HPSE2: variants seen among roughly 807,000 people sequenced by gnomAD.
HPSE2 encodes heparanase 2 (inactive).
HPSE2 carries 38 observed loss-of-function variants against 60.5 expected under a neutral mutation model. The ratio of observed to expected loss-of-function variants is 0.63; its 90% confidence interval spans 0.48 to 0.82. The LOEUF (loss-of-function observed/expected upper bound fraction) is 0.82, where lower values mean the gene tolerates loss of function less well. HPSE2 is among the 40% of genes least tolerant of loss of function. HPSE2 has a pLI of 0.00. For synonymous variants in HPSE2, 295 were observed against 293.2 expected, an observed-to-expected ratio of 1.01 and a Z score of -0.06; for missense variants, 713 against 740.4, an observed-to-expected ratio of 0.96 and a Z score of 0.43.
At chr10:99,076,628 T>C (rs1842958839) in intron 3 of HPSE2, among the ~76,000 whole-genome samples, 1 of 152,192 alleles carries the variant, frequency 6.6e-6, no homozygotes, top group South Asian at 2.1e-4. Flanking sequence ...TCTCAGGTGA[T>C]CTGTCTGCCT....
intron 2 of HPSE2, among the ~76,000 whole-genome samples, chr10:99,149,197 C>A (rs980316834): frequency 6.6e-6 from 1 of 151,942 alleles, no homozygotes; most frequent in South Asian, 2.1e-4. Flanking sequence ...TTCAGTTCCA[C>A]GTGAGAAAAC....
intron 2 of HPSE2, among the ~76,000 whole-genome samples, chr10:99,202,205 T>G (rs1564890572): frequency 6.6e-6 from 1 of 152,210 alleles, no homozygotes; most frequent in East Asian, 1.9e-4. Context: ...CACCATGATA[T>G]ACTCAAGAGC....
At chr10:99,104,959 G>A (rs1487241077) in intron 3 of HPSE2, among the ~76,000 whole-genome samples, 33 of 151,456 alleles carry the variant, frequency 2.2e-4, no homozygotes, top group African/African-American at 7.5e-4. Context: ...TATAACTAAC[G>A]TAAATGACGA....
the HPSE2 span, among the ~76,000 whole-genome samples, chr10:99,265,937 T>G: frequency 6.6e-6 from 1 of 151,968 alleles, no homozygotes; most frequent in African/African-American, 2.4e-5. Flanking sequence ...AAGAGCCAAG[T>G]GAAATACAGG....
chr10:98,496,646 T>C (rs1272273400), intron 9 of HPSE2, among the ~76,000 whole-genome samples: 4 of 152,250 alleles, frequency 2.6e-5, no homozygotes, highest in Non-Finnish European at 5.9e-5. Context: ...CCCTTGAAAC[T>C]TGCAAGACTT....
At position 98,565,782 on chromosome 10, in the gene HPSE2, AC is replaced by A. The variant is rs150323747; in HGVS notation, c.1320+49121del. 8.7e-3 allele frequency among the ~76,000 whole-genome samples: 1,324 copies of A among 152,314 alleles called. 17 individuals are homozygous for A. Among genetic ancestry groups the A allele is most frequent in the African/African-American group, 0.03 (1,267 of 41,578 alleles). On this transcript the variant is annotated intron_variant, in intron 9 of 11. Transcript: ENST00000370552. ...TCCTTGATGATGATACTTACAGAAC[AC>A]TTAATAGGTATACTAGGTGAGTGTC...
intron 3 of HPSE2, among the ~76,000 whole-genome samples, chr10:98,823,810 A>G (rs929366584): frequency 1.3e-5 from 2 of 152,208 alleles, no homozygotes; most frequent in African/African-American, 2.4e-5. Context: ...CTCTAACAAT[A>G]ACCTTTAGAA....
chr10:99,222,716 T>A (rs1049523070), intron 2 of HPSE2, among the ~76,000 whole-genome samples: 1 of 152,210 alleles, frequency 6.6e-6, no homozygotes, highest in African/African-American at 2.4e-5. Context: ...CTAGAGAAAC[T>A]ATAAGTCCTT....
At chr10:98,800,376 T>A (rs1224883702) in intron 3 of HPSE2, among the ~76,000 whole-genome samples, 8 of 148,068 alleles carry the variant, frequency 5.4e-5, no homozygotes, top group African/African-American at 9.8e-5. Context: ...TCAAAAAAAA[T>A]ATATAAAATA....
intron 4 of HPSE2, among the ~76,000 whole-genome samples, chr10:98,734,786 CTT>C (rs140048696): frequency 6.6e-6 from 1 of 150,694 alleles, no homozygotes; most frequent in African/African-American, 2.4e-5. Context: ...ATGACTCACA[CTT>C]TTTTTTTAAT....
intron 3 of HPSE2, among the ~76,000 whole-genome samples, chr10:98,947,010 C>T (rs74931036): frequency 0.045 from 6,772 of 151,600 alleles, 217 homozygotes; most frequent in Non-Finnish European, 0.072. Flanking sequence ...ATAAGGAGTG[C>T]CACTAGTGAT....
intron 3 of HPSE2, among the ~76,000 whole-genome samples, chr10:98,869,510 A>T (rs1952678187): frequency 6.6e-6 from 1 of 152,132 alleles, no homozygotes; most frequent in Non-Finnish European, 1.5e-5. Flanking sequence ...ATGGCCTCAT[A>T]TGAACAAAGT....
chr10:99,302,782 C>T, the HPSE2 span, among the ~76,000 whole-genome samples: 1 of 151,670 alleles, frequency 6.6e-6, no homozygotes, highest in African/African-American at 2.4e-5. Context: ...GTCACCAAGG[C>T]CTATGAACTT....
At chr10:98,939,536 C>T (rs1286941727) in intron 3 of HPSE2, among the ~76,000 whole-genome samples, 2 of 143,586 alleles carry the variant, frequency 1.4e-5, no homozygotes, top group Non-Finnish European at 3.0e-5. Context: ...AGCTAACTAT[C>T]CTAAATATAT....
chr10:99,081,137 T>C (rs1220971835), intron 3 of HPSE2, among the ~76,000 whole-genome samples: 1 of 152,208 alleles, frequency 6.6e-6, no homozygotes, highest in Non-Finnish European at 1.5e-5. Flanking sequence ...TAGAGAATGT[T>C]GGTAGAGTGT....
chr10:99,310,462 C>T, the HPSE2 span, among the ~76,000 whole-genome samples: 1 of 152,156 alleles, frequency 6.6e-6, no homozygotes, highest in Admixed American at 6.5e-5. Flanking sequence ...CATTAATTAA[C>T]ATCTAAAATT....
intron 3 of HPSE2, among the ~76,000 whole-genome samples, chr10:99,132,211 G>A (rs796712851): frequency 0.066 from 1,206 of 18,260 alleles, 143 homozygotes; most frequent in Middle Eastern, 0.27. Flanking sequence ...GAGAGAGAGA[G>A]AGAGAGAGAG....
chr10:98,807,950 ACTT>A (rs1329988836), intron 3 of HPSE2, among the ~76,000 whole-genome samples: 1 of 152,090 alleles, frequency 6.6e-6, no homozygotes, highest in Non-Finnish European at 1.5e-5. Context: ...GAAAATGCTG[ACTT>A]CTTCTAGGTC....
At position 98,474,442 on chromosome 10, in the gene HPSE2, C is replaced by T. The variant is rs149163553; in HGVS notation, c.1613+8194G>A. ...GGTCTGGTCTGTTCCAACAGGGACACGAAGATATTTTTAAAGTCTTAGCAC... is the reference window on the plus strand; with the variant it reads ...GGTCTGGTCTGTTCCAACAGGGACATGAAGATATTTTTAAAGTCTTAGCAC... On this transcript the variant is annotated intron_variant, in intron 11 of 11. Coordinates refer to ENST00000370552, the MANE Select transcript of HPSE2 (RefSeq NM_021828.5). Among the ~76,000 whole-genome samples, 144 of 152,084 alleles carry T rather than the reference C, an allele frequency of 9.5e-4. 2 individuals are homozygous for T. In the East Asian group the frequency reaches 0.021, roughly 23 times the overall value.
Sources: gnomAD v4.1 joint callset for allele counts (sites outside exome capture counted in the v4.1 genomes callset) on GRCh38, gnomAD v4.1.1 for gene constraint, MANE v1.5 for transcripts, NCBI Gene and HGNC (gene_info 2026-07-23, HGNC 2026-07-21) for gene names.